The following RAB11FIP5 variants were observed in gnomAD, a reference collection of about 807,000 sequenced individuals.
RAB11FIP5 encodes the protein rab11 family-interacting protein 5.
RAB11FIP5 carries 48 observed loss-of-function variants against 85.1 expected under a neutral mutation model. The observed-to-expected ratio is 0.56, with a 90% CI of 0.45 to 0.72. RAB11FIP5 has a LOEUF of 0.72. Ranked by LOEUF, RAB11FIP5 falls within the 30% of genes least tolerant of loss-of-function variation. RAB11FIP5 has a pLI of 0.00. For missense variants in RAB11FIP5, 1,491 were observed against 1,687.0 expected, an observed-to-expected ratio of 0.88 and a Z score of 2.04; for synonymous variants, 729 against 727.3, an observed-to-expected ratio of 1.00 and a Z score of -0.04.
chr2:73,110,479 T>C (rs1574307787), intron 1 of RAB11FIP5, among the ~76,000 whole-genome samples: 1 of 150,364 alleles, frequency 6.7e-6, no homozygotes, highest in African/African-American at 2.4e-5. Context: ...CCACTCCTGT[T>C]CCCCCCCCGG....
At position 73,075,905 on chromosome 2, in the gene RAB11FIP5, T is replaced by A; in HGVS notation, c.3771+88A>T. 6.6e-7 allele frequency: 1 copy of A among 1,510,274 alleles called. No individual in the cohort carries two copies. The highest frequency in any genetic ancestry group is 2.3e-5 in the East Asian group (1 of 44,008). 93.6% of individuals were successfully genotyped at this position (1,510,274 alleles called of 1,614,324 possible). On this transcript the variant is annotated intron_variant, in intron 5 of 5. Coordinates refer to ENST00000486777, the MANE Select transcript of RAB11FIP5 (RefSeq NM_001371272.1). The surrounding 1 kb of genome is among the most constrained non-coding windows in gnomAD (Gnocchi z 4.6). ...GGACTCTGATATGGGGGACCTGGCC[T>A]GCTCCCTGCCCCACCCTCACCAGGA... is the stretch of plus-strand genomic sequence containing the variant.
intron 4 of RAB11FIP5, among the ~76,000 whole-genome samples, chr2:73,079,044 C>T (rs1158832196): frequency 6.6e-6 from 1 of 152,220 alleles, no homozygotes; most frequent in Admixed American, 6.5e-5. Context: ...CGTGGGGAAC[C>T]TTTCTTCTGA....
At position 73,075,179 on chromosome 2, in the gene RAB11FIP5, G is replaced by C; in HGVS notation, c.*342C>G. The C allele has an allele frequency of 1.7e-6, 1 of 592,650 alleles. No homozygotes were observed. Among genetic ancestry groups the C allele is most frequent in the Non-Finnish European group, 3.2e-6 (1 of 315,016 alleles). 36.7% of individuals were successfully genotyped at this position (592,650 alleles called of 1,614,324 possible). A position where few individuals can be genotyped will look rare whatever the true frequency, so the allele number is the denominator to read the frequency against. ...ATAATAAAGTATGTGCTAGCAACCA[G>C]TCTTGTCCCAGATTACTGCATCAAG... On this transcript the variant is annotated 3_prime_UTR_variant, in exon 6 of 6. Transcript: ENST00000486777. This position sits in a 1 kb window ranked among gnomAD's most constrained non-coding sequence, Gnocchi z 4.6.
rs1226124788 is a variant in RAB11FIP5 at position 73,112,866 on chromosome 2, A to C, written c.-89T>G. ...CCGGCCGCGGCAGAAGGCGGTCAGG[A>C]ACCAACTCTGAGCGCCGCCGCAGCT... is the stretch of plus-strand genomic sequence containing the variant. On this transcript the variant is annotated 5_prime_UTR_variant, in exon 1 of 6. Coordinates refer to ENST00000486777, the MANE Select transcript of RAB11FIP5 (RefSeq NM_001371272.1). 2 of 1,228,384 alleles carry C rather than the reference A, an allele frequency of 1.6e-6. No individual in the cohort carries two copies. The highest frequency in any genetic ancestry group is 3.2e-5 in the African/African-American group (2 of 62,616). 76.1% of individuals were successfully genotyped at this position (1,228,384 alleles called of 1,614,324 possible).
Position 73,088,757 on chromosome 2 carries a change from G to A in RAB11FIP5, c.869-8C>T, listed in dbSNP as rs750284256. The A allele has an allele frequency of 4.4e-5, 69 of 1,576,012 alleles. No individual in the cohort carries two copies. The highest frequency in any genetic ancestry group is 5.4e-5 in the Non-Finnish European group (63 of 1,163,180). On this transcript the variant is annotated splice_polypyrimidine_tract_variant and splice_region_variant and intron_variant, in intron 2 of 5. Transcript: ENST00000486777. ...ACTGTGCAGAGTCCCTGCCTGCAGGGGAAACACACAGAGTTAGCTCGCAGG... is the reference window on the plus strand; with the variant it reads ...ACTGTGCAGAGTCCCTGCCTGCAGGAGAAACACACAGAGTTAGCTCGCAGG...
Position 73,080,511 on chromosome 2 carries a change from G to T in RAB11FIP5, c.2721C>A (p.Leu907=). ...CCTCCTGGGATCTTGAGGGTGTGAA[G>T]AGGCGCGGTGGCTTGGGAGGTGGGG... The part of the protein sequence containing the change: ...PSTPPPKPPR[L]FTPSRSQEEE... The change falls in exon 4 of 6, where the codon CTC becomes CTA. Residue 907 remains leucine, a synonymous_variant. Coordinates refer to ENST00000486777, the MANE Select transcript of RAB11FIP5 (RefSeq NM_001371272.1). 1 of 1,233,080 alleles carries T rather than the reference G, an allele frequency of 8.1e-7. No individual in the cohort carries two copies. The highest frequency in any genetic ancestry group is 3.1e-4 in the Middle Eastern group (1 of 3,218). 76.4% of individuals were successfully genotyped at this position (1,233,080 alleles called of 1,614,324 possible).
At position 73,080,044 on chromosome 2, in the gene RAB11FIP5, A is replaced by C; in HGVS notation, c.3188T>G (p.Leu1063Trp). ...ADVWVSKEDA[L>W]NPFLFQGSRD... Reference sequence around the variant, plus strand: ...GCTCCCCTGAAACAAGAAGGGGTTCAAGGCATCTTCCTTGGAGACCCACAC... The same window carrying C: ...GCTCCCCTGAAACAAGAAGGGGTTCCAGGCATCTTCCTTGGAGACCCACAC... The change falls in exon 4 of 6, where the codon TTG becomes TGG. Residue 1063 changes from leucine to tryptophan, a missense_variant. Physicochemically the swap from Leu to Trp is moderately conservative, Grantham distance 61. Coordinates refer to ENST00000486777, the MANE Select transcript of RAB11FIP5 (RefSeq NM_001371272.1). The C allele has an allele frequency of 1.6e-6, 2 of 1,232,190 alleles. No homozygotes were observed. Among genetic ancestry groups the C allele is most frequent in the Non-Finnish European group, 2.0e-6 (2 of 988,046 alleles). 76.3% of individuals were successfully genotyped at this position (1,232,190 alleles called of 1,614,324 possible). A position where few individuals can be genotyped will look rare whatever the true frequency, so the allele number is the denominator to read the frequency against.
Position 73,080,843 on chromosome 2 carries a change from C to A in RAB11FIP5, c.2389G>T (p.Val797Leu), listed in dbSNP as rs1683961544. 4 of 1,232,382 alleles carry A rather than the reference C, an allele frequency of 3.2e-6. No homozygotes were observed. The allele number at this position is 1,232,382 out of a possible 1,614,324, so 76.3% of individuals were successfully genotyped here. A position where few individuals can be genotyped will look rare whatever the true frequency, so the allele number is the denominator to read the frequency against. ...TCTGGGCCCGGCAGCCTCTCCCACA[C>A]ACTGATCACTTCTGGGGAGCTAAAT... is the stretch of plus-strand genomic sequence containing the variant. ...SLFSSPEVIS[V>L]WERLPGPESA... Residue 797 changes from valine (V) to leucine (L), a missense_variant, in exon 4 of 6, where the codon GTG becomes TTG. This residue lies in a region of RAB11FIP5 where 1,211 missense variants were observed against 1,338.0 expected (regional missense o/e 0.91). Coordinates refer to ENST00000486777, the MANE Select transcript of RAB11FIP5 (RefSeq NM_001371272.1).
At chr2:73,082,929 C>T (rs906611526) in intron 3 of RAB11FIP5, among the ~76,000 whole-genome samples, 5 of 152,316 alleles carry the variant, frequency 3.3e-5, no homozygotes, top group African/African-American at 1.2e-4. Context: ...AGGCAGACCT[C>T]GGTGGCCTCA....
intron 4 of RAB11FIP5, among the ~76,000 whole-genome samples, chr2:73,076,915 C>T (rs982577999): frequency 6.6e-6 from 1 of 152,214 alleles, no homozygotes; most frequent in Non-Finnish European, 1.5e-5. Context: ...GTCACCAAGC[C>T]CTGCTGGTTC....
intron 1 of RAB11FIP5, among the ~76,000 whole-genome samples, chr2:73,096,011 C>G (rs1320224306): frequency 6.6e-6 from 1 of 152,216 alleles, no homozygotes; most frequent in East Asian, 1.9e-4. Flanking sequence ...TCCTGAGAGG[C>G]TGGGACCACA....
At position 73,075,843 on chromosome 2, in the gene RAB11FIP5, GCTGC is replaced by G. The variant is rs1305455387; in HGVS notation, c.3772-123_3772-120del. On this transcript the variant is annotated intron_variant, in intron 5 of 5. Transcript: ENST00000486777. This position sits in a 1 kb window ranked among gnomAD's most constrained non-coding sequence, Gnocchi z 4.6. ...AAGTTTCACCACCACAGGGCCCCAGGCTGCCTGTCTCCAAAGTCAGAGCCTAACT... is the reference window on the plus strand; with the variant it reads ...AAGTTTCACCACCACAGGGCCCCAGGCTGTCTCCAAAGTCAGAGCCTAACT... The G allele has an allele frequency of 8.3e-6, 12 of 1,453,024 alleles. No homozygotes were observed. Among genetic ancestry groups the G allele is most frequent in the Non-Finnish European group, 1.1e-5 (12 of 1,067,192 alleles). The allele number at this position is 1,453,024 out of a possible 1,614,324, so 90.0% of individuals were successfully genotyped here. A position where few individuals can be genotyped will look rare whatever the true frequency, so the allele number is the denominator to read the frequency against.
At chr2:73,091,881 C>T (rs990514869) in intron 1 of RAB11FIP5, among the ~76,000 whole-genome samples, 2 of 152,056 alleles carry the variant, frequency 1.3e-5, no homozygotes, top group Non-Finnish European at 2.9e-5. Context: ...CTGAGAAGGC[C>T]GGGTAGGAAC....
chr2:73,080,537 T>C lies in RAB11FIP5; in HGVS notation c.2695A>G (p.Thr899Ala). 1 of 1,232,322 alleles carries C rather than the reference T, an allele frequency of 8.1e-7. No homozygotes were observed. Among genetic ancestry groups the C allele is most frequent in the Non-Finnish European group, 1.0e-6 (1 of 988,092 alleles). 76.3% of individuals were successfully genotyped at this position (1,232,322 alleles called of 1,614,324 possible). A position where few individuals can be genotyped will look rare whatever the true frequency, so the allele number is the denominator to read the frequency against. Residue 899 changes from threonine to alanine, a missense_variant, in exon 4 of 6, where the codon ACC becomes GCC. Physicochemically the swap from Thr to Ala is moderately conservative, Grantham distance 58. Transcript: ENST00000486777. ...AGGCGCGGTGGCTTGGGAGGTGGGG[T>C]GCTGGGCTGCAGCCCCTTGTCAGAC... ...WVSDKGLQPS[T>A]PPPKPPRLFT...
Position 73,087,909 on chromosome 2 carries a change from C to G in RAB11FIP5, c.1568+141G>C, listed in dbSNP as rs1436301858. ...GAACGAACCTTGGCTTAGGGAGACA[C>G]CCCACTAAACCATGCAAAGCCAGAG... is the stretch of plus-strand genomic sequence containing the variant. On this transcript the variant is annotated intron_variant, in intron 3 of 5. Transcript: ENST00000486777. The G allele has an allele frequency of 1.2e-5, 10 of 802,182 alleles. No individual in the cohort carries two copies. In the Admixed American group the frequency reaches 2.6e-4, roughly 21 times the overall value. The allele number at this position is 802,182 out of a possible 1,614,324, so 49.7% of individuals were successfully genotyped here.
At chr2:73,082,347 G>C (rs552147982) in intron 3 of RAB11FIP5, among the ~76,000 whole-genome samples, 2 of 152,122 alleles carry the variant, frequency 1.3e-5, no homozygotes, top group Non-Finnish European at 2.9e-5. Flanking sequence ...CAGCTGGCAT[G>C]GGGGGATAAA....
Position 73,075,255 on chromosome 2 carries a change from G to C in RAB11FIP5, c.*266C>G. 1 of 690,976 alleles carries C rather than the reference G, an allele frequency of 1.4e-6. No homozygotes were observed. The highest frequency in any genetic ancestry group is 2.6e-6 in the Non-Finnish European group (1 of 377,894). 42.8% of individuals were successfully genotyped at this position (690,976 alleles called of 1,614,324 possible). A position where few individuals can be genotyped will look rare whatever the true frequency, so the allele number is the denominator to read the frequency against. ...GGGGGAAGAGTTCCAATTCCCTGGG[G>C]CCCCCAAAGCTGAGGGATATGAAAA... On this transcript the variant is annotated 3_prime_UTR_variant, in exon 6 of 6. Coordinates refer to ENST00000486777, the MANE Select transcript of RAB11FIP5 (RefSeq NM_001371272.1). This position sits in a 1 kb window ranked among gnomAD's most constrained non-coding sequence, Gnocchi z 4.6.
At chr2:73,097,052 T>C (rs1684332851) in intron 1 of RAB11FIP5, among the ~76,000 whole-genome samples, 1 of 151,922 alleles carries the variant, frequency 6.6e-6, no homozygotes, top group African/African-American at 2.4e-5. Context: ...TTTTATTTTA[T>C]TTTGAGATGG....
chr2:73,090,556 A>G (rs1292976752), intron 1 of RAB11FIP5, among the ~76,000 whole-genome samples: 1 of 152,252 alleles, frequency 6.6e-6, no homozygotes, highest in East Asian at 1.9e-4. Context: ...ACAATGGAAT[A>G]CTACTTAATG....
Sources: allele counts gnomAD v4.1 joint callset (sites outside exome capture counted in the v4.1 genomes callset), GRCh38; gene constraint gnomAD v4.1.1; regional missense constraint gnomAD v4.1.1; non-coding constraint Gnocchi (gnomAD v3.1); transcripts MANE v1.5; gene names NCBI Gene and HGNC (gene_info 2026-07-23, HGNC 2026-07-21).